RANBP2: variants seen among roughly 807,000 people sequenced by gnomAD.
RANBP2 encodes the protein E3 SUMO-protein ligase RanBP2.
RANBP2 carries 57 observed loss-of-function variants against 303.6 expected under a neutral mutation model. That is an observed-to-expected ratio of 0.19 (90% CI 0.15 to 0.23). The LOEUF is 0.23. RANBP2 is among the 10% of genes least tolerant of loss of function. RANBP2 has a pLI of 1.00. For synonymous variants in RANBP2, 1,167 were observed against 1,301.5 expected, an observed-to-expected ratio of 0.90 and a Z score of 2.23; for missense variants, 3,138 against 3,780.8, an observed-to-expected ratio of 0.83 and a Z score of 4.46.
At chr2:109,538,437 T>G in the RANBP2 span, among the ~76,000 whole-genome samples, 2 of 152,200 alleles carry the variant, frequency 1.3e-5, no homozygotes, top group African/African-American at 4.8e-5. Flanking sequence ...CAGGGAGAGT[T>G]TGTGAAAGAC....
At chr2:109,693,001 T>C in the RANBP2 span, among the ~76,000 whole-genome samples, 1 of 151,894 alleles carries the variant, frequency 6.6e-6, no homozygotes, top group African/African-American at 2.4e-5. Flanking sequence ...TTATACCGTC[T>C]GCCCTTTTGG....
the RANBP2 span, among the ~76,000 whole-genome samples, chr2:109,262,714 G>A: frequency 3.5e-4 from 54 of 152,248 alleles, no homozygotes; most frequent in Non-Finnish European, 6.6e-4. Context: ...TTCTTTATCC[G>A]CAAATAGCTT....
the RANBP2 span, among the ~76,000 whole-genome samples, chr2:109,149,554 A>G: frequency 6.6e-6 from 1 of 152,134 alleles, no homozygotes; most frequent in South Asian, 2.1e-4. Context: ...TGACAGAGCA[A>G]GTGTGTTAAG....
chr2:109,659,194 C>A, the RANBP2 span, among the ~76,000 whole-genome samples: 2 of 151,898 alleles, frequency 1.3e-5, no homozygotes, highest in African/African-American at 4.8e-5. Context: ...ATGGCCAACA[C>A]GGCGAAACCC....
At chr2:109,361,748 A>G in the RANBP2 span, among the ~76,000 whole-genome samples, 6 of 152,256 alleles carry the variant, frequency 3.9e-5, no homozygotes, top group East Asian at 1.2e-3. Flanking sequence ...AGTGTTATTC[A>G]GTTTCTTTAA....
At chr2:108,973,219 A>T in the RANBP2 span, among the ~76,000 whole-genome samples, 1 of 152,164 alleles carries the variant, frequency 6.6e-6, no homozygotes, top group Non-Finnish European at 1.5e-5. Context: ...AACTCCTGAC[A>T]TCAGGTGTTC....
chr2:109,136,781 G>T, the RANBP2 span, among the ~76,000 whole-genome samples: 1 of 152,184 alleles, frequency 6.6e-6, no homozygotes, highest in Non-Finnish European at 1.5e-5. Context: ...AAATGAATTA[G>T]GATTGACCAC....
At chr2:109,179,855 C>T in the RANBP2 span, among the ~76,000 whole-genome samples, 1 of 152,208 alleles carries the variant, frequency 6.6e-6, no homozygotes, top group Admixed American at 6.5e-5. Flanking sequence ...ACCACGCTGT[C>T]TCTTACCCCT....
the RANBP2 span, among the ~76,000 whole-genome samples, chr2:108,903,490 T>C: frequency 1.3e-5 from 2 of 152,280 alleles, no homozygotes; most frequent in South Asian, 2.1e-4. Flanking sequence ...TCAGGACTTA[T>C]ATGTTATTAC....
At chr2:109,201,681 C>T in the RANBP2 span, among the ~76,000 whole-genome samples, 2 of 152,194 alleles carry the variant, frequency 1.3e-5, no homozygotes, top group African/African-American at 4.8e-5. Flanking sequence ...TTCTCCAGCC[C>T]GTCAGCAGCA....
At chr2:109,516,277 TG>T in the RANBP2 span, among the ~76,000 whole-genome samples, 41 of 152,264 alleles carry the variant, frequency 2.7e-4, no homozygotes, top group Non-Finnish European at 4.0e-4. Flanking sequence ...GCCCAGGGCC[TG>T]GGGGGCAGCC....
chr2:109,436,843 C>T, the RANBP2 span: 38 of 1,584,242 alleles, frequency 2.4e-5, no homozygotes, highest in Middle Eastern at 1.7e-4. Flanking sequence ...CCACATGGCA[C>T]GAATGCCTCT....
At chr2:108,910,895 GGA>G in the RANBP2 span, 1 of 1,613,988 alleles carries the variant, frequency 6.2e-7, no homozygotes, top group African/African-American at 1.3e-5. Context: ...TCCGACAGGG[GGA>G]GTTGACGGAG....
At chr2:108,762,550 A>G (rs1676800505) in intron 19 of RANBP2, among the ~76,000 whole-genome samples, 1 of 101,396 alleles carries the variant, frequency 9.9e-6, no homozygotes, top group East Asian at 2.5e-4. Flanking sequence ...TCAATATTAC[A>G]GTGGTAGTTG....
At chr2:108,877,582 C>T in the RANBP2 span, among the ~76,000 whole-genome samples, 18 of 126,784 alleles carry the variant, frequency 1.4e-4, no homozygotes, top group African/African-American at 3.9e-4. Flanking sequence ...AAAGGTGTCT[C>T]GGAACTCAGA....
chr2:109,044,117 C>CTT, the RANBP2 span, among the ~76,000 whole-genome samples: 1 of 152,040 alleles, frequency 6.6e-6, no homozygotes, highest in East Asian at 1.9e-4. Context: ...CTTAGAAGAC[C>CTT]TTTATATAAT....
chr2:108,845,944 T>C, the RANBP2 span, among the ~76,000 whole-genome samples: 1 of 152,236 alleles, frequency 6.6e-6, no homozygotes, highest in Non-Finnish European at 1.5e-5. Context: ...CATGCTACTA[T>C]TTCTATTTTG....
At chr2:109,021,340 G>A in the RANBP2 span, among the ~76,000 whole-genome samples, 2 of 152,162 alleles carry the variant, frequency 1.3e-5, no homozygotes, top group South Asian at 2.1e-4. Context: ...TGGCTGACAC[G>A]GTGAAACCCC....
the RANBP2 span, among the ~76,000 whole-genome samples, chr2:109,039,376 A>C: frequency 6.6e-6 from 1 of 151,896 alleles, no homozygotes; most frequent in East Asian, 1.9e-4. Context: ...TTTGAGACGG[A>C]GTCTTGCTCT....
Sources: allele counts gnomAD v4.1 joint callset (sites outside exome capture counted in the v4.1 genomes callset), GRCh38; gene constraint gnomAD v4.1.1; transcripts MANE v1.5; gene names NCBI Gene and HGNC (gene_info 2026-07-23, HGNC 2026-07-21).